F10: variants seen among roughly 807,000 people sequenced by gnomAD.
F10 encodes Stuart-Prower factor.
Under a neutral mutation model 37.1 loss-of-function variants are expected in F10, and 29 were observed. The ratio of observed to expected loss-of-function variants is 0.78; its 90% CI spans 0.58 to 1.07. The LOEUF (loss-of-function observed/expected upper bound fraction) is 1.07. Ranked by LOEUF, F10 falls within the 50% of genes least tolerant of loss-of-function variation. The probability of loss-of-function intolerance (pLI) is 0.00; values close to 1 mark genes in which losing one functional copy is unlikely to be tolerated. For synonymous variants in F10, 262 were observed against 268.6 expected, an observed-to-expected ratio of 0.98 and a Z score of 0.24; for missense variants, 539 against 667.9, an observed-to-expected ratio of 0.81 and a Z score of 2.13.
At chr13:113,129,650 T>C in intron 2 of F10, 38 bp downstream of exon 2, 1 of 1,613,072 alleles carries the variant, frequency 6.2e-7, no homozygotes, top group Non-Finnish European at 8.5e-7. Context: ...GGTAAGGAGC[T>C]CAGGCCACAG....
intron 2 of F10, chr13:113,130,280 A>G (rs1186769480): frequency 6.4e-6 from 1 of 155,252 alleles, no homozygotes; most frequent in Non-Finnish European, 1.4e-5. Flanking sequence ...GAGCAATGCC[A>G]CCAGGCCGCG....
In F10 at chr13:113,143,701, G is replaced by A; in HGVS notation, c.503-150G>A. ...TGCAGATCCGACCCCTGCCGACGAC[G>A]TGGGGCCTCGCCCTGCAAGCCCGCT... On this transcript the variant is annotated intron_variant, in intron 5 of 7. Coordinates refer to ENST00000375559, the MANE Select transcript of F10 (RefSeq NM_000504.4). This position sits in a 1 kb window ranked among gnomAD's most constrained non-coding sequence, Gnocchi z 6.8. 1.6e-4 allele frequency: 185 copies of A among 1,157,130 alleles called. No homozygotes were observed. The highest frequency in any genetic ancestry group is 1.1e-3 in the Admixed American group (45 of 41,114). 71.7% of individuals were successfully genotyped at this position (1,157,130 alleles called of 1,614,324 possible).
Position 113,144,560 on chromosome 13 carries a change from TTC to T in F10, c.747+467_747+468del, listed in dbSNP as rs1465506372. The stretch of plus-strand genomic sequence containing the variant: ...GGGTGGGCAAGGCCTCCATCTGCTC[TTC>T]TGTTTGACGGGAGGCAGAAAGAGTT... On this transcript the variant is annotated intron_variant, in intron 6 of 7. Transcript: ENST00000375559. The surrounding 1 kb of genome is among the most constrained non-coding windows in gnomAD (Gnocchi z 6.4). Among the ~76,000 whole-genome samples, 1 of 152,254 alleles carries T rather than the reference TTC, an allele frequency of 6.6e-6. No homozygotes were observed. Among genetic ancestry groups the T allele is most frequent in the Non-Finnish European group, 1.5e-5 (1 of 68,042 alleles).
rs1218279486 is a variant in F10 at position 113,143,330 on chromosome 13, C to CA, written c.503-520dup. Among the ~76,000 whole-genome samples the CA allele has an allele frequency of 2.6e-5, 4 of 152,302 alleles. No homozygotes were observed. Among genetic ancestry groups the CA allele is most frequent in the East Asian group, 3.9e-4 (2 of 5,172 alleles). ...TATTCCAGACGCTCTCCTGTGCCTC[C>CA]AGTTGTTTGCGTGCGCCATTCCTTC... On this transcript the variant is annotated intron_variant, in intron 5 of 7. Transcript: ENST00000375559. The surrounding 1 kb of genome is among the most constrained non-coding windows in gnomAD (Gnocchi z 6.8).
In F10 at chr13:113,143,708, C is replaced by CGAT; in HGVS notation, c.503-143_503-142insGAT. 4.0e-6 allele frequency: 5 copies of CGAT among 1,236,386 alleles called. No individual in the cohort carries two copies. Among genetic ancestry groups the CGAT allele is most frequent in the Admixed American group, 2.3e-5 (1 of 42,776 alleles). The allele number at this position is 1,236,386 out of a possible 1,614,324, so 76.6% of individuals were successfully genotyped here. On this transcript the variant is annotated intron_variant, in intron 5 of 7. Transcript: ENST00000375559. This position sits in a 1 kb window ranked among gnomAD's most constrained non-coding sequence, Gnocchi z 6.8. ...CCGACCCCTGCCGACGACGTGGGGC[C>CGAT]TCGCCCTGCAAGCCCGCTGCCCCTC...
chr13:113,134,706 C>T (rs1212675393), intron 2 of F10, among the ~76,000 whole-genome samples: 2 of 152,164 alleles, frequency 1.3e-5, no homozygotes, highest in Non-Finnish European at 2.9e-5. Context: ...AATACAAGGT[C>T]AGCACATGTG....
chr13:113,142,714 T>TC (rs1265646700), intron 5 of F10, among the ~76,000 whole-genome samples: 1 of 145,262 alleles, frequency 6.9e-6, no homozygotes, highest in East Asian at 2.0e-4. Context: ...TCACCTGAGG[T>TC]CAGGAGTTCA....
Position 113,143,709 on chromosome 13 carries a change from T to TAG in F10, c.503-142_503-141insAG. Reference sequence around the variant, plus strand: ...CGACCCCTGCCGACGACGTGGGGCCTCGCCCTGCAAGCCCGCTGCCCCTCC... The same window carrying TAG: ...CGACCCCTGCCGACGACGTGGGGCCTAGCGCCCTGCAAGCCCGCTGCCCCTCC... On this transcript the variant is annotated intron_variant, in intron 5 of 7. Transcript: ENST00000375559. The surrounding 1 kb of genome is among the most constrained non-coding windows in gnomAD (Gnocchi z 6.8). 86 of 1,311,292 alleles carry TAG rather than the reference T, an allele frequency of 6.6e-5. No homozygotes were observed. Among genetic ancestry groups the TAG allele is most frequent in the Admixed American group, 4.3e-4 (21 of 49,068 alleles). The allele number at this position is 1,311,292 out of a possible 1,614,324, so 81.2% of individuals were successfully genotyped here.
intron 1 of F10, 64 bp downstream of exon 1, chr13:113,122,989 G>C (rs1042934015): frequency 6.4e-7 from 1 of 1,560,378 alleles, no homozygotes; most frequent in African/African-American, 1.4e-5. Flanking sequence ...GCGGCAGTTG[G>C]GGAAACCCTC....
intron 7 of F10, among the ~76,000 whole-genome samples, chr13:113,148,193 T>C (rs1189109813): frequency 2.0e-5 from 3 of 151,854 alleles, no homozygotes; most frequent in Non-Finnish European, 4.4e-5. Context: ...TAGCCGGGCA[T>C]GGTGGCACGG....
chr13:113,124,814 C>T (rs1422434747), intron 1 of F10, among the ~76,000 whole-genome samples: 1 of 152,222 alleles, frequency 6.6e-6, no homozygotes, highest in Non-Finnish European at 1.5e-5. Flanking sequence ...GCTCTGGAGG[C>T]TGGAAGTTCA....
intron 7 of F10, among the ~76,000 whole-genome samples, chr13:113,148,412 AC>A (rs907022814): frequency 4.1e-5 from 6 of 147,714 alleles, no homozygotes; most frequent in Admixed American, 2.7e-4. Context: ...ACACACACAC[AC>A]AATTTCCATA....
At position 113,141,853 on chromosome 13, in the gene F10, C is replaced by T. The variant is rs566571912; in HGVS notation, c.502+803C>T. ...TATTCGAAGGGCAGAGTTCCAGGCCCGCCTTTTCAAGAGCCTGGTGACCCA... is the reference window on the plus strand; with the variant it reads ...TATTCGAAGGGCAGAGTTCCAGGCCTGCCTTTTCAAGAGCCTGGTGACCCA... On this transcript the variant is annotated intron_variant, in intron 5 of 7. Transcript: ENST00000375559. This position sits in a 1 kb window ranked among gnomAD's most constrained non-coding sequence, Gnocchi z 5.4. Among the ~76,000 whole-genome samples the T allele has an allele frequency of 5.3e-5, 8 of 152,312 alleles. No individual in the cohort carries two copies. In the East Asian group the frequency reaches 7.7e-4, roughly 15 times the overall value.
intron 1 of F10, among the ~76,000 whole-genome samples, chr13:113,126,076 C>T (rs2036367525): frequency 6.6e-6 from 1 of 151,696 alleles, no homozygotes; most frequent in South Asian, 2.1e-4. Context: ...TGGGCTCAGC[C>T]AGGGTCAGCG....
In F10 at chr13:113,141,807, C is replaced by T. The variant is rs1172314612; in HGVS notation, c.502+757C>T. Among the ~76,000 whole-genome samples the T allele has an allele frequency of 3.9e-5, 6 of 152,178 alleles. No homozygotes were observed. Among genetic ancestry groups the T allele is most frequent in the African/African-American group, 9.7e-5 (4 of 41,448 alleles). ...CACTCATAGCTGGCCCGACCCGCAG[C>T]GTTGGCCTCACCCGGGGGCATATTC... is the stretch of plus-strand genomic sequence containing the variant. On this transcript the variant is annotated intron_variant, in intron 5 of 7. Transcript: ENST00000375559. The surrounding 1 kb of genome is among the most constrained non-coding windows in gnomAD (Gnocchi z 5.4).
Position 113,149,359 on chromosome 13 carries a change from G to A in F10, c.1309G>A (p.Val437Ile), listed in dbSNP as rs776671034. 44 of 1,613,262 alleles carry A rather than the reference G, an allele frequency of 2.7e-5. No individual in the cohort carries two copies. Among genetic ancestry groups the A allele is most frequent in the Middle Eastern group, 1.6e-4 (1 of 6,084 alleles). Reference protein sequence around the residue: ...FKDTYFVTGIVSWGEGCARKG... With the variant: ...FKDTYFVTGIISWGEGCARKG... ...GGACACCTACTTCGTGACAGGCATC[G>A]TCAGCTGGGGAGAGGGCTGTGCCCG... Residue 437 changes from valine (V) to isoleucine (I), a missense_variant, in exon 8 of 8, where the codon GTC becomes ATC. Physicochemically the swap from Val to Ile is conservative, Grantham distance 29. Coordinates refer to ENST00000375559, the MANE Select transcript of F10 (RefSeq NM_000504.4). The surrounding 1 kb of genome is among the most constrained non-coding windows in gnomAD (Gnocchi z 7.5).
At chr13:113,129,197 A>C (rs1341680064) in intron 1 of F10, among the ~76,000 whole-genome samples, 1 of 152,204 alleles carries the variant, frequency 6.6e-6, no homozygotes, top group Non-Finnish European at 1.5e-5. Context: ...AAAGGAAGAA[A>C]TAATGAGGCG....
Position 113,125,553 on chromosome 13 carries a change from C to A in F10, c.70+2628C>A, listed in dbSNP as rs142135954. Among the ~76,000 whole-genome samples, 108 of 152,372 alleles carry A rather than the reference C, an allele frequency of 7.1e-4. 1 individual carries two copies. In the East Asian group the frequency reaches 0.018, roughly 26 times the overall value. On this transcript the variant is annotated intron_variant, in intron 1 of 7. Transcript: ENST00000375559. ...GAGTTCTAGAGTGTTCCATTAATTT[C>A]TTGAGACAAGTGCCTAAAAACCTTG... is the stretch of plus-strand genomic sequence containing the variant.
chr13:113,123,620 G>A (rs2036341853), intron 1 of F10, among the ~76,000 whole-genome samples: 1 of 152,168 alleles, frequency 6.6e-6, no homozygotes. Context: ...GACAGGCAGG[G>A]GCACCAAGGG....
Sources: gnomAD v4.1 joint callset for allele counts (sites outside exome capture counted in the v4.1 genomes callset) on GRCh38, gnomAD v4.1.1 for gene constraint, Gnocchi (gnomAD v3.1) non-coding constraint, MANE v1.5 for transcripts, NCBI Gene and HGNC (gene_info 2026-07-23, HGNC 2026-07-21) for gene names.